Variants in CDHR3 observed in about 807,000 individuals in gnomAD.
The protein encoded by CDHR3 is cadherin related family member 3.
A neutral mutation model predicts 86.6 loss-of-function variants in CDHR3; 79 were observed. The observed-to-expected ratio is 0.91, with a 90% CI of 0.76 to 1.10. The LOEUF is 1.10. Among genes scored for constraint, CDHR3 ranks in the 50% least tolerant of loss-of-function variants. The pLI is 0.00. For synonymous variants in CDHR3, 421 were observed against 402.4 expected (o/e 1.05, Z -0.55); for missense variants, 1,081 against 1,077.6 (o/e 1.00, Z -0.04).
intron 18 of CDHR3, among the ~76,000 whole-genome samples, chr7:106,032,039 C>T (rs75270240): frequency 0.015 from 2,348 of 152,284 alleles, 50 homozygotes; most frequent in African/African-American, 0.054. Flanking sequence ...CAGAAAGTAA[C>T]GGGTAATCCC....
intron 11 of CDHR3, among the ~76,000 whole-genome samples, chr7:106,016,951 C>T (rs1220126210): frequency 6.6e-6 from 1 of 152,134 alleles, no homozygotes; most frequent in Non-Finnish European, 1.5e-5. Flanking sequence ...AGAGAAGGTT[C>T]TGCCCTTGAG....
intron 9 of CDHR3, among the ~76,000 whole-genome samples, chr7:106,014,260 G>GTGCT (rs1250036634): frequency 6.6e-6 from 1 of 152,154 alleles, no homozygotes; most frequent in Non-Finnish European, 1.5e-5. Flanking sequence ...AGATACAGTA[G>GTGCT]TGCTCCCTTA....
intron 6 of CDHR3, among the ~76,000 whole-genome samples, chr7:106,000,502 C>T (rs147673355): frequency 6.6e-6 from 1 of 152,282 alleles, no homozygotes; most frequent in East Asian, 1.9e-4. Flanking sequence ...GTACTATACC[C>T]CTTTCAAAGA....
Position 106,032,521 on chromosome 7 carries a change from G to C in CDHR3, c.2482G>C (p.Glu828Gln). 1 of 1,614,016 alleles carries C rather than the reference G, an allele frequency of 6.2e-7. No homozygotes were observed. The highest frequency in any genetic ancestry group is 8.5e-7 in the Non-Finnish European group (1 of 1,179,876). The change falls in exon 19 of 19, where the codon GAA (glutamate) becomes CAA (glutamine). Residue 828 changes from glutamate to glutamine, a missense_variant. Transcript: ENST00000317716. The stretch of plus-strand genomic sequence containing the variant: ...TGCCCCACGCAGAGTCACTGCTGGG[G>C]AAGGGATGGGGTCACTGAGAAGTGC... ...GAAPRRVTAG[E>Q]GMGSLRSANW...
At chr7:106,025,482 T>C (rs1013286668) in intron 15 of CDHR3, among the ~76,000 whole-genome samples, 7 of 152,216 alleles carry the variant, frequency 4.6e-5, no homozygotes, top group African/African-American at 1.7e-4. Context: ...CAGCCAGTTT[T>C]TACAAATCTT....
intron 12 of CDHR3, among the ~76,000 whole-genome samples, chr7:106,020,142 T>C (rs1380792309): frequency 6.6e-6 from 1 of 152,184 alleles, no homozygotes; most frequent in Non-Finnish European, 1.5e-5. Context: ...AGGACAGACC[T>C]GAATTCAAAT....
At chr7:105,975,518 A>C (rs1250954175) in intron 2 of CDHR3, among the ~76,000 whole-genome samples, 1 of 152,190 alleles carries the variant, frequency 6.6e-6, no homozygotes, top group African/African-American at 2.4e-5. Context: ...CAAAAATATA[A>C]GTCTAAATGT....
At chr7:105,977,937 CG>C (rs1162689609) in intron 2 of CDHR3, among the ~76,000 whole-genome samples, 1 of 152,144 alleles carries the variant, frequency 6.6e-6, no homozygotes, top group Non-Finnish European at 1.5e-5. Context: ...ATTTCATTTA[CG>C]GGGCATTTAC....
At chr7:105,996,134 C>T in intron 5 of CDHR3, 116 bp from the exon 6 acceptor site, 1 of 614,016 alleles carries the variant, frequency 1.6e-6, no homozygotes, top group Non-Finnish European at 3.0e-6. Context: ...CGGAGAGGCT[C>T]ACCACCAAAG....
At chr7:106,019,408 A>G (rs1836197356) in intron 12 of CDHR3, among the ~76,000 whole-genome samples, 1 of 151,530 alleles carries the variant, frequency 6.6e-6, no homozygotes, top group Non-Finnish European at 1.5e-5. Context: ...TTTTTTAAAG[A>G]AAATGAATGG....
At chr7:105,989,167 A>G (rs896547910) in intron 4 of CDHR3, among the ~76,000 whole-genome samples, 2 of 151,926 alleles carry the variant, frequency 1.3e-5, no homozygotes, top group African/African-American at 4.8e-5. Flanking sequence ...GAGAAGGATG[A>G]TCTGCATGTG....
chr7:106,028,915 A>ATTTTCTTTCTTTCTTTCTTTCTTT lies in CDHR3; in HGVS notation c.2304+334_2304+357dup, dbSNP rs1563311668. On this transcript the variant is annotated intron_variant, in intron 17 of 18. Coordinates refer to ENST00000317716, the MANE Select transcript of CDHR3 (RefSeq NM_152750.5). ...TGCTTCAGCCTCCAGTGAGATTTAA[A>ATTTTCTTTCTTTCTTTCTTTCTTT]TTTTCTTTCTTTCTTTCTTTCTTTC... is the stretch of plus-strand genomic sequence containing the variant. 3.8e-4 allele frequency among the ~76,000 whole-genome samples: 44 copies of ATTTTCTTTCTTTCTTTCTTTCTTT among 115,424 alleles called. 1 individual carries two copies. The highest frequency in any genetic ancestry group is 1.4e-3 in the African/African-American group (43 of 30,738). 75.7% of individuals were successfully genotyped at this position (115,424 alleles called of 152,430 possible). A position where few individuals can be genotyped will look rare whatever the true frequency, so the allele number is the denominator to read the frequency against.
intron 11 of CDHR3, 60 bp downstream of exon 11, chr7:106,016,085 T>C: frequency 8.7e-7 from 1 of 1,151,288 alleles, no homozygotes; most frequent in East Asian, 2.4e-5. Context: ...CAAACGTGTG[T>C]TCTGTGGAGT....
In CDHR3 at chr7:105,964,262, T is replaced by A. The variant is rs549824480; in HGVS notation, c.46+898T>A. ...TGGTTATTTCTAGTTCTTTTACTTT[T>A]TCTTTTTTTACATTTGTAAATGGAA... On this transcript the variant is annotated intron_variant, in intron 1 of 18. Transcript: ENST00000317716. 2.0e-5 allele frequency among the ~76,000 whole-genome samples: 3 copies of A among 152,274 alleles called. No individual in the cohort carries two copies. In the East Asian group the frequency reaches 5.8e-4, roughly 29 times the overall value.
chr7:105,999,003 C>A (rs1221381885), intron 6 of CDHR3, among the ~76,000 whole-genome samples: 2 of 152,186 alleles, frequency 1.3e-5, no homozygotes, highest in Admixed American at 1.3e-4. Context: ...AATACTCATT[C>A]ATAGTGGTGA....
chr7:106,013,872 T>A (rs896242761), intron 9 of CDHR3, among the ~76,000 whole-genome samples: 4 of 152,174 alleles, frequency 2.6e-5, no homozygotes, highest in African/African-American at 7.2e-5. Flanking sequence ...TGATAACCAG[T>A]GTTAGTAGTT....
At chr7:105,968,517 C>T (rs1268200933) in intron 1 of CDHR3, among the ~76,000 whole-genome samples, 1 of 152,034 alleles carries the variant, frequency 6.6e-6, no homozygotes, top group East Asian at 1.9e-4. Flanking sequence ...GCTGCCACCA[C>T]ACACTGCTAA....
At chr7:105,986,092 C>A (rs1830482949) in intron 4 of CDHR3, among the ~76,000 whole-genome samples, 1 of 152,140 alleles carries the variant, frequency 6.6e-6, no homozygotes, top group African/African-American at 2.4e-5. Context: ...AAAGAAGCAA[C>A]CAGGGAGGGA....
At chr7:106,007,095 A>C (rs1834041801) in intron 8 of CDHR3, among the ~76,000 whole-genome samples, 1 of 152,212 alleles carries the variant, frequency 6.6e-6, no homozygotes, top group South Asian at 2.1e-4. Flanking sequence ...CAATAGCCCG[A>C]GCTGTACCTT....
Sources: gnomAD v4.1 joint callset for allele counts (sites outside exome capture counted in the v4.1 genomes callset) on GRCh38, gnomAD v4.1.1 for gene constraint, MANE v1.5 for transcripts, NCBI Gene and HGNC (gene_info 2026-07-23, HGNC 2026-07-21) for gene names.